Variants in ITGA2B observed in about 807,000 individuals in gnomAD.
The protein encoded by ITGA2B is integrin subunit alpha 2b, also known as integrin alpha-IIb.
ITGA2B carries 91 observed loss-of-function variants against 142.0 expected under a neutral mutation model. The ratio of observed to expected loss-of-function variants is 0.64; its 90% CI spans 0.54 to 0.76. The LOEUF (loss-of-function observed/expected upper bound fraction) is 0.76. ITGA2B is among the 30% of genes least tolerant of loss of function. ITGA2B has a pLI of 0.00. For synonymous variants in ITGA2B, 536 were observed against 567.2 expected (o/e 0.94, Z 0.78); for missense variants, 1,231 against 1,350.8 (o/e 0.91, Z 1.39).
At position 44,379,817 on chromosome 17, in the gene ITGA2B, A is replaced by G. The variant is rs746932044; in HGVS notation, c.1753-3T>C. On this transcript the variant is annotated splice_region_variant and splice_polypyrimidine_tract_variant and intron_variant, in intron 17 of 29. Transcript: ENST00000262407. ...TTGTCCCGGAAGTCTGCCTCATCCT[A>G]GGACAGGGGCAAGAGTCAGGCCATC... The G allele has an allele frequency of 2.5e-6, 4 of 1,613,756 alleles. No homozygotes were observed. The highest frequency in any genetic ancestry group is 2.5e-6 in the Non-Finnish European group (3 of 1,179,970).
chr17:44,381,816 C>T (rs1319309976), intron 12 of ITGA2B, among the ~76,000 whole-genome samples: 2 of 151,618 alleles, frequency 1.3e-5, no homozygotes, highest in Non-Finnish European at 2.9e-5. Context: ...TTTATGGAGA[C>T]GAGATCTCCC....
At position 44,372,307 on chromosome 17, in the gene ITGA2B, AG is replaced by A; in HGVS notation, c.*56del. The A allele has an allele frequency of 2.6e-6, 4 of 1,568,248 alleles. No homozygotes were observed. The South Asian group carries it at 4.4e-5, about 17-fold the overall frequency. ...AAGCTTGGAGGCAACTTGTTGGAGA[AG>A]GGGCGGTGCAGGTAGCACGCCCAAC... On this transcript the variant is annotated 3_prime_UTR_variant, in exon 30 of 30. Coordinates refer to ENST00000262407, the MANE Select transcript of ITGA2B (RefSeq NM_000419.5).
rs2048632416 is a variant in ITGA2B at position 44,385,082 on chromosome 17, G to A, written c.671-6C>T. 7 of 1,614,062 alleles carry A rather than the reference G, an allele frequency of 4.3e-6. No individual in the cohort carries two copies. Among genetic ancestry groups the A allele is most frequent in the Non-Finnish European group, 5.1e-6 (6 of 1,180,054 alleles). The stretch of plus-strand genomic sequence containing the variant: ...TGGAGCCTGGGCCAGGAGACCTAGG[G>A]CGGGAGGGACAGCGGGTGTGAAGCC... On this transcript the variant is annotated splice_region_variant and splice_polypyrimidine_tract_variant and intron_variant, in intron 6 of 29. Transcript: ENST00000262407.
chr17:44,380,502 G>C lies in ITGA2B; in HGVS notation c.1440-12C>G, dbSNP rs779439642. On this transcript the variant is annotated splice_polypyrimidine_tract_variant and intron_variant, in intron 14 of 29. Transcript: ENST00000262407. ...CCACTGGCTGAGCTCTGATGGGATA[G>C]GGTGATGGGGTAGGCTTGCCATTGT... 1.4e-5 allele frequency: 23 copies of C among 1,613,762 alleles called. No individual in the cohort carries two copies. The highest frequency in any genetic ancestry group is 1.7e-5 in the Non-Finnish European group (20 of 1,179,802).
Position 44,389,404 on chromosome 17 carries a change from A to G in ITGA2B, c.70T>C (p.Cys24Arg), listed in dbSNP as rs765144213. The part of the protein sequence containing the change: ...LEWVLLLLGP[C>R]AAPPAWALNL... ...AAGGCCCAGGCTGGAGGGGCAGCAC[A>G]AGGTCCCAAGAGCAGCAGCACCCAC... Residue 24 changes from cysteine to arginine, a missense_variant, in exon 1 of 30, where the codon TGT becomes CGT. By Grantham distance (180) the Cys-to-Arg change is radical. This residue lies in a region of ITGA2B where 318 missense variants were observed against 312.2 expected (regional missense o/e 1.02). Coordinates refer to ENST00000262407, the MANE Select transcript of ITGA2B (RefSeq NM_000419.5). 4 of 1,614,172 alleles carry G rather than the reference A, an allele frequency of 2.5e-6. No individual in the cohort carries two copies. Among genetic ancestry groups the G allele is most frequent in the East Asian group, 2.2e-5 (1 of 44,878 alleles).
chr17:44,380,157 G>A lies in ITGA2B; in HGVS notation c.1601-4C>T, dbSNP rs778752359. On this transcript the variant is annotated splice_polypyrimidine_tract_variant and splice_region_variant and intron_variant, in intron 16 of 29. Transcript: ENST00000262407. ...AGCTGCAGCTCGGCATTTAGGGCTG[G>A]CAGGGCAAGCAGAAGAGTCAGGACC... 1.9e-6 allele frequency: 3 copies of A among 1,613,616 alleles called. No homozygotes were observed. The highest frequency in any genetic ancestry group is 2.5e-6 in the Non-Finnish European group (3 of 1,179,948).
At position 44,378,437 on chromosome 17, in the gene ITGA2B, C is replaced by G. The variant is rs987726990; in HGVS notation, c.2019G>C (p.Glu673Asp). The G allele has an allele frequency of 5.8e-5, 94 of 1,613,370 alleles. No homozygotes were observed. The highest frequency in any genetic ancestry group is 7.6e-5 in the Non-Finnish European group (90 of 1,179,906). Residue 673 changes from glutamate to aspartate, a missense_variant, in exon 20 of 30, where the codon GAG becomes GAC. Around this residue, in one of 3 missense-constraint regions of ITGA2B, gnomAD observed 908 missense variants for 1,021.1 expected, o/e 0.89. Coordinates refer to ENST00000262407, the MANE Select transcript of ITGA2B (RefSeq NM_000419.5). ...CGGCCAGCTCTGCTTCATAGGCCCCCTCGCCCTCGTTGGCTGCGTCCATCT... is the reference window on the plus strand; with the variant it reads ...CGGCCAGCTCTGCTTCATAGGCCCCGTCGCCCTCGTTGGCTGCGTCCATCT... Reference protein sequence around the residue: ...ELQMDAANEGEGAYEAELAVH... With the variant: ...ELQMDAANEGDGAYEAELAVH...
rs373584202 is a variant in ITGA2B, at chr17:44,375,453, T to C, written c.2727+138A>G. 3.0e-4 allele frequency: 304 copies of C among 1,019,922 alleles called. 2 individuals are homozygous for C. The African/African-American group carries it at 3.2e-3, about 11-fold the overall frequency. The allele number at this position is 1,019,922 out of a possible 1,614,324, so 63.2% of individuals were successfully genotyped here. ...AGACACAAGCCAGCATGCTCCTCCA[T>C]GTTCACTTGAAGTGCTCCCAGGGAC... On this transcript the variant is annotated intron_variant, in intron 26 of 29. Coordinates refer to ENST00000262407, the MANE Select transcript of ITGA2B (RefSeq NM_000419.5).
Position 44,372,436 on chromosome 17 carries a change from G to A in ITGA2B, c.3061-13C>T, listed in dbSNP as rs375178957. The A allele has an allele frequency of 4.0e-5, 65 of 1,613,338 alleles. No homozygotes were observed. The highest frequency in any genetic ancestry group is 3.4e-4 in the South Asian group (31 of 91,034). ...TGAAGAAGCCGACCTGGGGGTACACGGGGGCCAAGGTCAGGGTATACAGAT... is the reference window on the plus strand; with the variant it reads ...TGAAGAAGCCGACCTGGGGGTACACAGGGGCCAAGGTCAGGGTATACAGAT... On this transcript the variant is annotated splice_polypyrimidine_tract_variant and intron_variant, in intron 29 of 29. Transcript: ENST00000262407.
At chr17:44,385,098 G>A (rs913504199) in intron 6 of ITGA2B, 22 bp from the exon 7 acceptor site, 2 of 1,614,040 alleles carry the variant, frequency 1.2e-6, no homozygotes, top group Non-Finnish European at 1.7e-6. Flanking sequence ...GGGACAGCGG[G>A]TGTGAAGCCC....
In ITGA2B at chr17:44,380,888, C is replaced by T. The variant is rs1460974004; in HGVS notation, c.1384G>A (p.Gly462Arg). The change falls in exon 13 of 30, where the codon GGA (glycine) becomes AGA (arginine). Residue 462 changes from glycine (G) to arginine (R), a missense_variant. Around this residue, in one of 3 missense-constraint regions of ITGA2B, gnomAD observed 908 missense variants for 1,021.1 expected, o/e 0.89. Transcript: ENST00000262407. ...AGGCAGTCCAGGGCACCTGGGTATC[C>T]GTTGTCATCGATGTCTACGGCACCT... is the stretch of plus-strand genomic sequence containing the variant. ...LRGAVDIDDNGYPDLIVGAYG... is the reference protein window; with the variant it reads ...LRGAVDIDDNRYPDLIVGAYG... 1.9e-6 allele frequency: 3 copies of T among 1,614,100 alleles called. No individual in the cohort carries two copies. The highest frequency in any genetic ancestry group is 2.2e-5 in the East Asian group (1 of 44,902).
At chr17:44,385,384 G>A in intron 4 of ITGA2B, 49 bp from the exon 5 acceptor site, 3 of 1,584,706 alleles carry the variant, frequency 1.9e-6, no homozygotes, top group Non-Finnish European at 2.6e-6. Context: ...AGGGAGGCGC[G>A]CGCGAGCCCG....
chr17:44,383,383 A>G, intron 12 of ITGA2B, 110 bp downstream of exon 12: 2 of 1,003,228 alleles, frequency 2.0e-6, no homozygotes, highest in Non-Finnish European at 3.0e-6. Flanking sequence ...TAAGCCACAT[A>G]CTTATATGCT....
chr17:44,380,339 T>C, intron 15 of ITGA2B, 38 bp from the exon 16 acceptor site: 1 of 1,614,144 alleles, frequency 6.2e-7, no homozygotes, highest in East Asian at 2.2e-5. Context: ...GTTGGAGCCT[T>C]TCTGAGGTCC....
At chr17:44,389,226 A>G in intron 1 of ITGA2B, 60 bp downstream of exon 1, 1 of 1,571,668 alleles carries the variant, frequency 6.4e-7, no homozygotes, top group Non-Finnish European at 8.8e-7. Context: ...AAGCCCCCAG[A>G]AGCAGTGATG....
rs748310417 is a variant in ITGA2B at position 44,385,630 on chromosome 17, C to A, written c.495G>T (p.Gln165His). 6 of 1,613,218 alleles carry A rather than the reference C, an allele frequency of 3.7e-6. No homozygotes were observed. Among genetic ancestry groups the A allele is most frequent in the Admixed American group, 1.7e-5 (1 of 59,990 alleles). ...KTPVGSCFLAQPESGRRAEYS... is the reference protein window; with the variant it reads ...KTPVGSCFLAHPESGRRAEYS... ...ACTCGGCGCGGCGGCCGCTCTCTGG[C>A]TGAGCCAAAAAGCAGCTACCTACGG... is the stretch of plus-strand genomic sequence containing the variant. Residue 165 changes from glutamine (Q) to histidine (H), a missense_variant, in exon 4 of 30, where the codon CAG (glutamine) becomes CAT (histidine). Gln to His is a conservative substitution (Grantham distance 24). Transcript: ENST00000262407.
Position 44,380,982 on chromosome 17 carries a change from C to T in ITGA2B, c.1290G>A (p.Leu430=). 6.2e-7 allele frequency: 1 copy of T among 1,613,670 alleles called. No homozygotes were observed. Among genetic ancestry groups the T allele is most frequent in the South Asian group, 1.1e-5 (1 of 91,004 alleles). The change falls in exon 13 of 30, where the codon CTG becomes CTA. Residue 430 remains leucine, a synonymous_variant. Coordinates refer to ENST00000262407, the MANE Select transcript of ITGA2B (RefSeq NM_000419.5). ...VLVFLGQSEG[L]RSRPSQVLDS... ...CCAGGACCTGGGAGGGACGTGACCTCAGCCCCTCACTCTGACCCAGGAACA... is the reference window on the plus strand; with the variant it reads ...CCAGGACCTGGGAGGGACGTGACCTTAGCCCCTCACTCTGACCCAGGAACA...
At chr17:44,372,444 A>G (rs1441687622) in intron 29 of ITGA2B, 21 bp from the exon 30 acceptor site, 1 of 1,612,330 alleles carries the variant, frequency 6.2e-7, no homozygotes, top group Non-Finnish European at 8.5e-7. Context: ...ACGGGGGCCA[A>G]GGTCAGGGTA....
Position 44,378,642 on chromosome 17 carries a change from C to T in ITGA2B, c.1946+1G>A, listed in dbSNP as rs746091910. 2 of 1,567,038 alleles carry T rather than the reference C, an allele frequency of 1.3e-6. No individual in the cohort carries two copies. The highest frequency in any genetic ancestry group is 2.3e-5 in the East Asian group (1 of 42,602). On this transcript the variant is annotated splice_donor_variant, in intron 19 of 29. Coordinates refer to ENST00000262407, the MANE Select transcript of ITGA2B (RefSeq NM_000419.5). LOFTEE classifies it high-confidence loss of function. ...TCGGGCAGAATGGGAGGCCTCCTCA[C>T]ACGCTGGCAGTGAGCTGAAGCTGGG...
Sources: gnomAD v4.1 joint callset for allele counts (sites outside exome capture counted in the v4.1 genomes callset) on GRCh38, gnomAD v4.1.1 for gene constraint, gnomAD v4.1.1 regional missense constraint, MANE v1.5 for transcripts, NCBI Gene and HGNC (gene_info 2026-07-23, HGNC 2026-07-21) for gene names.